Variants in CLOCK observed in about 807,000 individuals in gnomAD.
The protein encoded by CLOCK is clock circadian regulator, also known as circadian locomoter output cycles protein kaput.
CLOCK carries 43 observed loss-of-function variants against 118.4 expected under a neutral mutation model. The observed-to-expected ratio is 0.36, with a 90% CI of 0.28 to 0.47. CLOCK has a LOEUF of 0.47. Ranked by LOEUF, CLOCK falls within the 20% of genes least tolerant of loss-of-function variation. The probability of loss-of-function intolerance (pLI) is 1.00; values close to 1 mark genes in which losing one functional copy is unlikely to be tolerated. For synonymous variants in CLOCK, 326 were observed against 339.2 expected, an observed-to-expected ratio of 0.96 and a Z score of 0.43; for missense variants, 846 against 999.9, an observed-to-expected ratio of 0.85 and a Z score of 2.08.
rs577127504 is a variant in CLOCK at position 55,447,224 on chromosome 4, G to A, written c.1539+1555C>T. Among the ~76,000 whole-genome samples, 69 of 152,108 alleles carry A rather than the reference G, an allele frequency of 4.5e-4. 1 individual carries two copies. The highest frequency in any genetic ancestry group is 1.3e-3 in the African/African-American group (56 of 41,494). Reference sequence around the variant, plus strand: ...TCTACTAAAAATATAAAAACTAGCCGGGTGTGGTGGCATGTGCCTGTAGTC... The same window carrying A: ...TCTACTAAAAATATAAAAACTAGCCAGGTGTGGTGGCATGTGCCTGTAGTC... On this transcript the variant is annotated intron_variant, in intron 18 of 22. Coordinates refer to ENST00000513440, the MANE Select transcript of CLOCK (RefSeq NM_004898.4).
At chr4:55,470,591 T>C in intron 8 of CLOCK, 126 bp downstream of exon 8, 1 of 661,654 alleles carries the variant, frequency 1.5e-6, no homozygotes, top group South Asian at 1.8e-5. Context: ...AAGACATACT[T>C]AGAGCTCTGA....
chr4:55,493,738 T>C (rs1305757738), intron 2 of CLOCK, among the ~76,000 whole-genome samples: 1 of 152,146 alleles, frequency 6.6e-6, no homozygotes, highest in Non-Finnish European at 1.5e-5. Flanking sequence ...AAAACACATA[T>C]TTGGTTTTAC....
chr4:55,472,346 G>A (rs1329741384), intron 7 of CLOCK, among the ~76,000 whole-genome samples: 1 of 152,086 alleles, frequency 6.6e-6, no homozygotes, highest in African/African-American at 2.4e-5. Flanking sequence ...CTTTAGAAGG[G>A]AAGAAAAAGG....
chr4:55,454,021 C>T (rs1724704728), intron 13 of CLOCK, among the ~76,000 whole-genome samples, 197 bp from the exon 14 acceptor site: 1 of 152,062 alleles, frequency 6.6e-6, no homozygotes, highest in Non-Finnish European at 1.5e-5. Flanking sequence ...ATCTACAGTG[C>T]CCAATTCACA....
chr4:55,452,326 A>T (rs1724533436), intron 15 of CLOCK: 1 of 152,264 alleles, frequency 6.6e-6, no homozygotes. Flanking sequence ...TCAGCCAGCA[A>T]GAAACCAAGG....
rs58607674 is a variant in CLOCK, at chr4:55,533,630, T to C, written c.-290+13152A>G. On this transcript the variant is annotated intron_variant, in intron 1 of 22. Coordinates refer to ENST00000513440, the MANE Select transcript of CLOCK (RefSeq NM_004898.4). ...GTGAAAAAGTGCTTAAGGCCAGGCA[T>C]GGTGGCTCGTGCCTGTAATCTCAGC... Among the ~76,000 whole-genome samples, 994 of 152,298 alleles carry C rather than the reference T, an allele frequency of 6.5e-3. 9 individuals carry two copies. The highest frequency in any genetic ancestry group is 0.023 in the African/African-American group (945 of 41,568).
intron 8 of CLOCK, 91 bp from the exon 9 acceptor site, chr4:55,463,896 T>C: frequency 7.9e-7 from 1 of 1,265,444 alleles, no homozygotes; most frequent in Non-Finnish European, 1.1e-6. Flanking sequence ...ACACAGCAGT[T>C]AACTTTCAAT....
intron 1 of CLOCK, among the ~76,000 whole-genome samples, chr4:55,530,507 G>T (rs10016506): frequency 0.31 from 47,228 of 151,848 alleles, 7,609 homozygotes; most frequent in Middle Eastern, 0.41. Flanking sequence ...GGATGCAGTG[G>T]CTCATGCATA....
chr4:55,499,300 T>G (rs753708371), intron 2 of CLOCK, among the ~76,000 whole-genome samples: 1 of 152,170 alleles, frequency 6.6e-6, no homozygotes, highest in African/African-American at 2.4e-5. Flanking sequence ...TCCATTAACA[T>G]CCTCTAAAGC....
chr4:55,440,095 C>T (rs776249975), intron 21 of CLOCK, among the ~76,000 whole-genome samples: 3 of 151,900 alleles, frequency 2.0e-5, no homozygotes, highest in Non-Finnish European at 2.9e-5. Flanking sequence ...ATATATGTGG[C>T]ACATGATTCA....
At chr4:55,518,053 T>C (rs1411841763) in intron 1 of CLOCK, among the ~76,000 whole-genome samples, 3 of 152,016 alleles carry the variant, frequency 2.0e-5, no homozygotes, top group Non-Finnish European at 4.4e-5. Flanking sequence ...TGTGTATGAG[T>C]GTACTAGGTC....
chr4:55,469,080 G>A (rs556920307), intron 8 of CLOCK, among the ~76,000 whole-genome samples: 2 of 151,970 alleles, frequency 1.3e-5, no homozygotes, highest in South Asian at 4.2e-4. Flanking sequence ...CATCTTACTA[G>A]TTTATGTATT....
chr4:55,483,192 T>C (rs1462439700), intron 3 of CLOCK, among the ~76,000 whole-genome samples: 1 of 152,218 alleles, frequency 6.6e-6, no homozygotes, highest in African/African-American at 2.4e-5. Flanking sequence ...TATTTTCTGC[T>C]AAACAGTACA....
chr4:55,509,870 C>T (rs922627276), intron 2 of CLOCK, 42 bp downstream of exon 2: 5 of 152,098 alleles, frequency 3.3e-5, no homozygotes, highest in South Asian at 2.1e-4. Flanking sequence ...CTGCAAATTC[C>T]ACCCAACCAT....
intron 1 of CLOCK, among the ~76,000 whole-genome samples, chr4:55,544,702 A>C (rs1731494777): frequency 6.6e-6 from 1 of 152,206 alleles, no homozygotes; most frequent in Non-Finnish European, 1.5e-5. Flanking sequence ...TGTTTAATCC[A>C]GTTTATGAGT....
chr4:55,507,162 A>G (rs1728860184), intron 2 of CLOCK, among the ~76,000 whole-genome samples: 1 of 152,072 alleles, frequency 6.6e-6, no homozygotes, highest in Admixed American at 6.5e-5. Context: ...AAAAATAAAC[A>G]AAGTTAGCTG....
chr4:55,456,339 C>T (rs1408710932), intron 11 of CLOCK, 39 bp from the exon 12 acceptor site: 1 of 1,302,780 alleles, frequency 7.7e-7, no homozygotes, highest in South Asian at 1.3e-5. Context: ...TACTTTGTGT[C>T]CTTAAGAATA....
rs147506592 is a variant in CLOCK, at chr4:55,434,187, T to A, written c.*1228A>T. On this transcript the variant is annotated 3_prime_UTR_variant, in exon 23 of 23. Coordinates refer to ENST00000513440, the MANE Select transcript of CLOCK (RefSeq NM_004898.4). The stretch of plus-strand genomic sequence containing the variant: ...ACAATGACTTCAAGATGGTGAGTTA[T>A]CACCTGAATTAAAATCAAGGCACTA... 4 of 152,700 alleles carry A rather than the reference T, an allele frequency of 2.6e-5. No individual in the cohort carries two copies. Among genetic ancestry groups the A allele is most frequent in the Non-Finnish European group, 5.9e-5 (4 of 68,016 alleles). The allele number at this position is 152,700 out of a possible 1,614,324, so 9.5% of individuals were successfully genotyped here.
intron 1 of CLOCK, among the ~76,000 whole-genome samples, chr4:55,515,844 C>A (rs984188028): frequency 2.6e-5 from 4 of 152,072 alleles, no homozygotes; most frequent in African/African-American, 4.8e-5. Context: ...TTGTTGCATC[C>A]CGCATATTTT....
Sources: gnomAD v4.1 joint callset for allele counts (sites outside exome capture counted in the v4.1 genomes callset) on GRCh38, gnomAD v4.1.1 for gene constraint, MANE v1.5 for transcripts, NCBI Gene and HGNC (gene_info 2026-07-23, HGNC 2026-07-21) for gene names.